Variants in SHISA9 observed in about 807,000 individuals in gnomAD.
The protein encoded by SHISA9 is protein shisa-9.
SHISA9 carries 13 observed loss-of-function variants against 38.0 expected under a neutral mutation model. The ratio of observed to expected loss-of-function variants is 0.34; its 90% CI spans 0.22 to 0.54. The LOEUF is 0.54. Ranked by LOEUF, SHISA9 falls within the 20% of genes least tolerant of loss-of-function variation. The probability of loss-of-function intolerance (pLI) is 0.91; values close to 1 mark genes in which losing one functional copy is unlikely to be tolerated. For synonymous variants in SHISA9, 275 were observed against 242.0 expected (o/e 1.14, Z -1.27); for missense variants, 538 against 575.8 (o/e 0.93, Z 0.67).
At chr16:13,105,687 T>C (rs1438709) in intron 2 of SHISA9, among the ~76,000 whole-genome samples, 1 of 152,202 alleles carries the variant, frequency 6.6e-6, no homozygotes, top group Admixed American at 6.5e-5. Flanking sequence ...ATTTTGGGCA[T>C]GGCAGTTGCT....
the SHISA9 span, chr16:13,331,285 C>A: frequency 6.6e-6 from 1 of 151,838 alleles, no homozygotes; most frequent in Admixed American, 6.6e-5. Flanking sequence ...CTGGGGGTTC[C>A]TGAAGGTTAA....
In SHISA9 at chr16:13,200,746, T is replaced by C. The variant is rs1255813082; in HGVS notation, c.692-2648T>C. 1.5e-5 allele frequency among the ~76,000 whole-genome samples: 2 copies of C among 135,402 alleles called. 1 individual carries two copies. Among genetic ancestry groups the C allele is most frequent in the African/African-American group, 5.8e-5 (2 of 34,376 alleles). 88.8% of individuals were successfully genotyped at this position (135,402 alleles called of 152,430 possible). A position where few individuals can be genotyped will look rare whatever the true frequency, so the allele number is the denominator to read the frequency against. Reference sequence around the variant, plus strand: ...AAGGATACATGCGTCTCTCCAGACGTTGGCCAAAGACTGGGTTACTTGGCA... The same window carrying C: ...AAGGATACATGCGTCTCTCCAGACGCTGGCCAAAGACTGGGTTACTTGGCA... On this transcript the variant is annotated intron_variant, in intron 2 of 4. Coordinates refer to ENST00000558583, the MANE Select transcript of SHISA9 (RefSeq NM_001145204.3).
At chr16:13,557,895 C>T in the SHISA9 span, among the ~76,000 whole-genome samples, 422 of 152,192 alleles carry the variant, frequency 2.8e-3, 2 homozygotes, top group African/African-American at 9.3e-3. Context: ...AACACACTCC[C>T]ACCACAGGGT....
At chr16:13,399,268 G>T in the SHISA9 span, among the ~76,000 whole-genome samples, 3 of 150,906 alleles carry the variant, frequency 2.0e-5, no homozygotes, top group Non-Finnish European at 4.4e-5. Flanking sequence ...AAAAAAAAAA[G>T]AAGCTAGAAA....
chr16:13,403,113 A>C, the SHISA9 span, among the ~76,000 whole-genome samples: 33,351 of 136,802 alleles, frequency 0.24, 3,834 homozygotes, highest in African/African-American at 0.25. Context: ...CAAAAACACA[A>C]AAAAAAAAAA....
chr16:13,449,314 C>T, the SHISA9 span, among the ~76,000 whole-genome samples: 16 of 152,182 alleles, frequency 1.1e-4, no homozygotes, highest in Non-Finnish European at 1.5e-4. Context: ...AGTGATTTAA[C>T]TTATTCTCTT....
the SHISA9 span, among the ~76,000 whole-genome samples, chr16:13,523,921 C>A: frequency 6.6e-6 from 1 of 152,132 alleles, no homozygotes; most frequent in Non-Finnish European, 1.5e-5. Context: ...CCTCTTTGAT[C>A]CTCATAACAA....
chr16:13,416,499 C>T, the SHISA9 span, among the ~76,000 whole-genome samples: 1 of 152,112 alleles, frequency 6.6e-6, no homozygotes, highest in African/African-American at 2.4e-5. Context: ...ATGTGAGACA[C>T]CCAAGGGTAC....
chr16:13,265,167 C>T, the SHISA9 span, among the ~76,000 whole-genome samples: 3 of 114,344 alleles, frequency 2.6e-5, no homozygotes, highest in Non-Finnish European at 5.5e-5. Flanking sequence ...CTGTTCCCTT[C>T]CCTCCCCTCC....
At position 13,079,633 on chromosome 16, in the gene SHISA9, C is replaced by T. The variant is rs276609; in HGVS notation, c.692-123761C>T. Reference sequence around the variant, plus strand: ...GCATTTCTCCTGGAAGATCCATTTTCTCCTGACAATGCTCTCTGTTTGATG... The same window carrying T: ...GCATTTCTCCTGGAAGATCCATTTTTTCCTGACAATGCTCTCTGTTTGATG... On this transcript the variant is annotated intron_variant, in intron 2 of 4. Coordinates refer to ENST00000558583, the MANE Select transcript of SHISA9 (RefSeq NM_001145204.3). Among the ~76,000 whole-genome samples, 1,005 of 152,322 alleles carry T rather than the reference C, an allele frequency of 6.6e-3. 8 individuals are homozygous for T. The highest frequency in any genetic ancestry group is 0.022 in the African/African-American group (929 of 41,568).
intron 2 of SHISA9, among the ~76,000 whole-genome samples, chr16:13,078,072 A>T (rs1464724615): frequency 6.6e-6 from 1 of 152,234 alleles, no homozygotes; most frequent in African/African-American, 2.4e-5. Flanking sequence ...TTGGAATTAA[A>T]ACAGGTGCTT....
chr16:13,085,527 A>G (rs1040049247), intron 2 of SHISA9, among the ~76,000 whole-genome samples: 2 of 151,516 alleles, frequency 1.3e-5, no homozygotes, highest in African/African-American at 4.9e-5. Context: ...GAAGGGCTAG[A>G]AAAACTCTGT....
At chr16:13,086,743 A>G (rs2073714666) in intron 2 of SHISA9, among the ~76,000 whole-genome samples, 1 of 152,240 alleles carries the variant, frequency 6.6e-6, no homozygotes, top group South Asian at 2.1e-4. Flanking sequence ...CCACCAATGG[A>G]TGGAAGCAGG....
At chr16:13,049,695 A>G (rs2073228654) in intron 2 of SHISA9, among the ~76,000 whole-genome samples, 1 of 152,198 alleles carries the variant, frequency 6.6e-6, no homozygotes, top group Admixed American at 6.5e-5. Context: ...TTCCAAAAGG[A>G]TAATGAGTCC....
At chr16:13,353,208 T>G in the SHISA9 span, among the ~76,000 whole-genome samples, 14 of 151,916 alleles carry the variant, frequency 9.2e-5, no homozygotes, top group Non-Finnish European at 2.9e-5. Context: ...TAAGGGGTGA[T>G]ATTGTGGGGA....
intron 2 of SHISA9, among the ~76,000 whole-genome samples, chr16:13,092,059 C>T (rs1365773728): frequency 6.6e-6 from 1 of 152,182 alleles, no homozygotes; most frequent in Non-Finnish European, 1.5e-5. Flanking sequence ...CAGTCAGGTC[C>T]CTCAGCTGCA....
chr16:13,440,214 G>A, the SHISA9 span, among the ~76,000 whole-genome samples: 2 of 152,152 alleles, frequency 1.3e-5, no homozygotes, highest in Admixed American at 6.5e-5. Context: ...ATACTTGGGG[G>A]CTCCCTTTCC....
At chr16:12,969,875 T>C (rs1665783405) in intron 2 of SHISA9, among the ~76,000 whole-genome samples, 2 of 152,176 alleles carry the variant, frequency 1.3e-5, no homozygotes, top group Admixed American at 6.5e-5. Flanking sequence ...TTGGAAGCTA[T>C]ATTCAAAATG....
At chr16:13,488,863 G>A in the SHISA9 span, among the ~76,000 whole-genome samples, 1 of 152,206 alleles carries the variant, frequency 6.6e-6, no homozygotes, top group Non-Finnish European at 1.5e-5. Context: ...CCGGGCTCAC[G>A]CCATTCTCCT....
Sources: allele counts gnomAD v4.1 joint callset (sites outside exome capture counted in the v4.1 genomes callset), GRCh38; gene constraint gnomAD v4.1.1; transcripts MANE v1.5; gene names NCBI Gene and HGNC (gene_info 2026-07-23, HGNC 2026-07-21).